The following PCLO variants were observed in gnomAD, a reference collection of about 807,000 sequenced individuals.
PCLO encodes protein piccolo.
Under a neutral mutation model 427.5 loss-of-function variants are expected in PCLO, and 82 were observed. The observed-to-expected ratio is 0.19, with a 90% CI of 0.16 to 0.23. PCLO has a LOEUF of 0.23. Among genes scored for constraint, PCLO ranks in the 10% least tolerant of loss-of-function variants. The pLI, the probability that PCLO is intolerant of heterozygous loss-of-function variation, is 1.00. For synonymous variants in PCLO, 2,357 were observed against 2,155.4 expected (o/e 1.09, Z -2.59); for missense variants, 6,239 against 6,115.9 (o/e 1.02, Z -0.67).
In PCLO at chr7:82,786,789, G is replaced by A. The variant is rs538390724; in HGVS notation, c.15007+14729C>T. On this transcript the variant is annotated intron_variant, in intron 22 of 24. Transcript: ENST00000333891. ...TGGTGTGTGATGTTCTCCACCCTGT[G>A]TACATGTGTTCTCATTGTTCATCTC... 4.6e-5 allele frequency among the ~76,000 whole-genome samples: 7 copies of A among 152,030 alleles called. 1 individual carries two copies. The highest frequency in any genetic ancestry group is 6.8e-3 in the Middle Eastern group (2 of 294).
At chr7:83,144,064 G>A (rs572755708) in intron 2 of PCLO, among the ~76,000 whole-genome samples, 5 of 152,190 alleles carry the variant, frequency 3.3e-5, no homozygotes, top group South Asian at 4.2e-4. Context: ...TAAATCAGAC[G>A]CTCACTAGGA....
At chr7:82,772,739 GT>G (rs375181592) in intron 22 of PCLO, among the ~76,000 whole-genome samples, 1 of 151,946 alleles carries the variant, frequency 6.6e-6, no homozygotes, top group Non-Finnish European at 1.5e-5. Flanking sequence ...CTCCTTCAGT[GT>G]TTTTTTGGCA....
intron 3 of PCLO, among the ~76,000 whole-genome samples, chr7:83,124,319 A>G (rs898353296): frequency 1.8e-4 from 27 of 148,620 alleles, no homozygotes; most frequent in African/African-American, 6.7e-4. Context: ...GCACCACTGT[A>G]CTCCAGCCTG....
At chr7:83,002,179 T>C (rs1743023439) in intron 3 of PCLO, among the ~76,000 whole-genome samples, 1 of 152,012 alleles carries the variant, frequency 6.6e-6, no homozygotes, top group African/African-American at 2.4e-5. Context: ...ATTGGACATA[T>C]ACTAGATCTT....
chr7:82,840,478 A>G (rs1792340155), intron 14 of PCLO, among the ~76,000 whole-genome samples: 1 of 152,020 alleles, frequency 6.6e-6, no homozygotes, highest in Non-Finnish European at 1.5e-5. Flanking sequence ...TCTTACTCCA[A>G]AATAGAGATC....
intron 3 of PCLO, among the ~76,000 whole-genome samples, chr7:83,121,423 G>GA (rs1223046200): frequency 3.3e-5 from 5 of 151,924 alleles, no homozygotes; most frequent in East Asian, 1.9e-4. Flanking sequence ...CATACCACCA[G>GA]AAAAAATCAC....
chr7:83,048,003 T>C (rs1443783036), intron 3 of PCLO, among the ~76,000 whole-genome samples: 3 of 152,082 alleles, frequency 2.0e-5, no homozygotes, highest in Admixed American at 1.3e-4. Flanking sequence ...GTCCAAATTT[T>C]GTTTCAGAAT....
intron 1 of PCLO, among the ~76,000 whole-genome samples, chr7:83,156,990 G>T (rs910062198): frequency 6.6e-6 from 1 of 152,112 alleles, no homozygotes; most frequent in Admixed American, 6.5e-5. Context: ...TTCTGATAAT[G>T]GAGTTTACAT....
At chr7:82,968,376 A>C (rs1242760648) in intron 3 of PCLO, among the ~76,000 whole-genome samples, 1 of 152,210 alleles carries the variant, frequency 6.6e-6, no homozygotes, top group Non-Finnish European at 1.5e-5. Context: ...AAATGCTAAA[A>C]GTTCTAGCTC....
intron 3 of PCLO, among the ~76,000 whole-genome samples, chr7:82,968,913 G>A (rs1795842965): frequency 6.6e-6 from 1 of 151,990 alleles, no homozygotes; most frequent in Admixed American, 6.6e-5. Flanking sequence ...AATACAGGTG[G>A]GTATTAAGCA....
intron 3 of PCLO, among the ~76,000 whole-genome samples, chr7:83,011,039 A>G (rs779212930): frequency 5.3e-5 from 8 of 152,080 alleles, no homozygotes; most frequent in Non-Finnish European, 1.0e-4. Flanking sequence ...ATCTTGTATG[A>G]AACTATCCCT....
chr7:82,903,810 G>A (rs1261485354), intron 8 of PCLO, among the ~76,000 whole-genome samples: 3 of 151,842 alleles, frequency 2.0e-5, no homozygotes, highest in Non-Finnish European at 4.4e-5. Flanking sequence ...AGATAAAACA[G>A]AATTTAGAAC....
chr7:83,108,728 G>C (rs947990424), intron 3 of PCLO, among the ~76,000 whole-genome samples: 1 of 151,340 alleles, frequency 6.6e-6, no homozygotes, highest in African/African-American at 2.4e-5. Flanking sequence ...ACCTGGGTCA[G>C]GATTAATCAA....
intron 10 of PCLO, among the ~76,000 whole-genome samples, chr7:82,850,163 C>A (rs1792613279): frequency 6.6e-6 from 1 of 152,040 alleles, no homozygotes; most frequent in African/African-American, 2.4e-5. Flanking sequence ...CACCCACCAC[C>A]ACACCCAGCT....
chr7:82,967,115 A>C (rs1795793950), intron 3 of PCLO, among the ~76,000 whole-genome samples: 1 of 151,970 alleles, frequency 6.6e-6, no homozygotes, highest in Non-Finnish European at 1.5e-5. Flanking sequence ...GTTGAATAAG[A>C]AGCACTCCAA....
At position 82,915,131 on chromosome 7, in the gene PCLO, A is replaced by G. The variant is rs528437378; in HGVS notation, c.12855T>C (p.Ser4285=). ...LQDEADKPYS[S]GSRSRPSSRP... is the part of the protein sequence containing the mutation. ...TGGAGGAAGGTCTGGACCTGCTGCC[A>G]CTACTGTATGGCTTATCCGCTTCAT... Residue 4285 remains serine (S), a synonymous_variant, in exon 7 of 25, where the codon AGT becomes AGC. Coordinates refer to ENST00000333891, the MANE Select transcript of PCLO (RefSeq NM_033026.6). 2 of 1,590,348 alleles carry G rather than the reference A, an allele frequency of 1.3e-6. No individual in the cohort carries two copies. The highest frequency in any genetic ancestry group is 2.3e-5 in the East Asian group (1 of 43,580).
intron 3 of PCLO, among the ~76,000 whole-genome samples, chr7:83,028,996 A>G (rs1282372825): frequency 6.6e-6 from 1 of 152,170 alleles, no homozygotes; most frequent in Admixed American, 6.5e-5. Context: ...ACCTAAAACC[A>G]TAAAAACCCT....
In PCLO at chr7:83,162,803, T is replaced by C; in HGVS notation, c.-211A>G. On this transcript the variant is annotated 5_prime_UTR_variant, in exon 1 of 25. It removes an upstream start codon present in the reference 5' UTR. Coordinates refer to ENST00000333891, the MANE Select transcript of PCLO (RefSeq NM_033026.6). ...ACGCCCGCTGCCGGTGCCTCCTCCA[T>C]GTTGGACAGCGCCAGGCAACCTTTG... 1 of 619,428 alleles carries C rather than the reference T, an allele frequency of 1.6e-6. No homozygotes were observed. Among genetic ancestry groups the C allele is most frequent in the Non-Finnish European group, 2.7e-6 (1 of 368,710 alleles). 38.4% of individuals were successfully genotyped at this position (619,428 alleles called of 1,614,324 possible).
At chr7:82,886,800 AC>A (rs1584102220) in intron 9 of PCLO, among the ~76,000 whole-genome samples, 1 of 152,206 alleles carries the variant, frequency 6.6e-6, no homozygotes, top group Admixed American at 6.6e-5. Flanking sequence ...GGTGTTAATA[AC>A]TGGGCTAACA....
Sources: gnomAD v4.1 joint callset for allele counts (sites outside exome capture counted in the v4.1 genomes callset) on GRCh38, gnomAD v4.1.1 for gene constraint, MANE v1.5 for transcripts, NCBI Gene and HGNC (gene_info 2026-07-23, HGNC 2026-07-21) for gene names.